Variants in MDGA2 observed in about 807,000 individuals in gnomAD.
MDGA2 encodes the protein MAM domain containing glycosylphosphatidylinositol anchor 2, also known as MAM domain-containing glycosylphosphatidylinositol anchor protein 2.
Under a neutral mutation model 117.8 loss-of-function variants are expected in MDGA2, and 40 were observed. That is an observed-to-expected ratio of 0.34 (90% CI 0.26 to 0.44). The LOEUF (loss-of-function observed/expected upper bound fraction) is 0.44, where lower values mean the gene tolerates loss of function less well. Ranked by LOEUF, MDGA2 falls within the 20% of genes least tolerant of loss-of-function variation. MDGA2 has a pLI of 1.00. For synonymous variants in MDGA2, 452 were observed against 439.0 expected (o/e 1.03, Z -0.37); for missense variants, 1,123 against 1,250.6 (o/e 0.90, Z 1.54).
At chr14:47,642,001 G>T (rs1422359258) in intron 1 of MDGA2, among the ~76,000 whole-genome samples, 2 of 152,038 alleles carry the variant, frequency 1.3e-5, no homozygotes, top group Non-Finnish European at 2.9e-5. Flanking sequence ...ATGGGAACTG[G>T]GTGTTACAGT....
At chr14:46,898,172 G>A (rs781289923) in intron 10 of MDGA2, among the ~76,000 whole-genome samples, 42 of 152,030 alleles carry the variant, frequency 2.8e-4, no homozygotes, top group Non-Finnish European at 4.0e-4. Flanking sequence ...TGTATAATCA[G>A]TAAGAAAAAT....
intron 1 of MDGA2, among the ~76,000 whole-genome samples, chr14:47,437,381 T>A (rs943050603): frequency 2.6e-5 from 4 of 152,132 alleles, no homozygotes; most frequent in Non-Finnish European, 4.4e-5. Context: ...ATATGGTAAA[T>A]CTCAGTAAAT....
chr14:47,054,486 C>A (rs1172883637), intron 7 of MDGA2, among the ~76,000 whole-genome samples: 1 of 136,570 alleles, frequency 7.3e-6, no homozygotes, highest in Non-Finnish European at 1.6e-5. Flanking sequence ...CCACAACAGT[C>A]CCCGGTGTGT....
At chr14:47,186,428 G>C (rs1353538402) in intron 3 of MDGA2, among the ~76,000 whole-genome samples, 2 of 151,720 alleles carry the variant, frequency 1.3e-5, no homozygotes, top group Non-Finnish European at 3.0e-5. Flanking sequence ...TAAACCTATA[G>C]TACTAAATTA....
chr14:47,662,940 G>C (rs1322956129), intron 1 of MDGA2, among the ~76,000 whole-genome samples: 4 of 152,154 alleles, frequency 2.6e-5, no homozygotes, highest in Admixed American at 1.3e-4. Flanking sequence ...GTTGAGCTTT[G>C]ATTAATTGGG....
chr14:47,532,531 G>A (rs942160263), intron 1 of MDGA2, among the ~76,000 whole-genome samples: 1 of 152,132 alleles, frequency 6.6e-6, no homozygotes. Context: ...TTTCAGTCCA[G>A]TAATTCCAGG....
chr14:47,231,661 T>G (rs1886694612), intron 2 of MDGA2, among the ~76,000 whole-genome samples: 1 of 151,302 alleles, frequency 6.6e-6, no homozygotes, highest in Non-Finnish European at 1.5e-5. Context: ...CACAAAGTTA[T>G]CCTATAATAA....
chr14:47,184,858 G>A (rs934967384), intron 3 of MDGA2, among the ~76,000 whole-genome samples: 4 of 151,320 alleles, frequency 2.6e-5, no homozygotes, highest in African/African-American at 9.7e-5. Context: ...AACATATAAG[G>A]TTGAATATGC....
At chr14:47,445,243 T>C (rs1449356104) in intron 1 of MDGA2, among the ~76,000 whole-genome samples, 1 of 152,114 alleles carries the variant, frequency 6.6e-6, no homozygotes, top group African/African-American at 2.4e-5. Flanking sequence ...TGAAGATCAA[T>C]GTTGACTATG....
chr14:47,232,774 T>C (rs905441352), intron 2 of MDGA2, among the ~76,000 whole-genome samples: 3 of 152,282 alleles, frequency 2.0e-5, no homozygotes, highest in South Asian at 4.1e-4. Flanking sequence ...TGTTGACAGA[T>C]ACTCTTAGCT....
chr14:47,255,836 G>C (rs1887598670), intron 2 of MDGA2, among the ~76,000 whole-genome samples: 1 of 151,960 alleles, frequency 6.6e-6, no homozygotes, highest in Non-Finnish European at 1.5e-5. Flanking sequence ...TGTTAGTCCT[G>C]CTTGTCTGGT....
intron 1 of MDGA2, among the ~76,000 whole-genome samples, chr14:47,397,808 C>G (rs1353918894): frequency 1.3e-5 from 2 of 151,906 alleles, no homozygotes; most frequent in Non-Finnish European, 2.9e-5. Context: ...AAGGAGGTAA[C>G]CTTAGGGGCT....
At chr14:46,916,802 A>C (rs1259431024) in intron 10 of MDGA2, among the ~76,000 whole-genome samples, 1 of 152,144 alleles carries the variant, frequency 6.6e-6, no homozygotes, top group Non-Finnish European at 1.5e-5. Flanking sequence ...CCATGGAAAG[A>C]GTAAAATTAC....
intron 1 of MDGA2, among the ~76,000 whole-genome samples, chr14:47,413,379 T>C (rs1329455307): frequency 6.6e-6 from 1 of 152,096 alleles, no homozygotes; most frequent in Non-Finnish European, 1.5e-5. Flanking sequence ...GGTGTTTGAG[T>C]TTCTAAAAAT....
At chr14:46,920,277 C>T (rs1884075998) in intron 9 of MDGA2, 117 bp from the exon 10 acceptor site, 1 of 988,486 alleles carries the variant, frequency 1.0e-6, no homozygotes, top group African/African-American at 1.7e-5. Flanking sequence ...TTATAAAATC[C>T]AATCAATTTT....
At chr14:47,089,619 ATACTTT>A (rs1429820045) in intron 6 of MDGA2, among the ~76,000 whole-genome samples, 1 of 151,888 alleles carries the variant, frequency 6.6e-6, no homozygotes, top group East Asian at 1.9e-4. Flanking sequence ...TTTTTTTATT[ATACTTT>A]AAGTTCTAAG....
At chr14:47,571,327 A>G (rs1429234150) in intron 1 of MDGA2, among the ~76,000 whole-genome samples, 1 of 152,206 alleles carries the variant, frequency 6.6e-6, no homozygotes, top group Admixed American at 6.5e-5. Context: ...TAGTTCAACC[A>G]TTGTGGAAGA....
At chr14:47,389,286 T>A (rs545985422) in intron 1 of MDGA2, among the ~76,000 whole-genome samples, 4 of 152,244 alleles carry the variant, frequency 2.6e-5, no homozygotes, top group Non-Finnish European at 5.9e-5. Flanking sequence ...AATATAGGTG[T>A]GAACACATAA....
intron 2 of MDGA2, among the ~76,000 whole-genome samples, chr14:47,220,245 T>C (rs1043588321): frequency 2.6e-5 from 4 of 152,154 alleles, no homozygotes; most frequent in African/African-American, 9.7e-5. Context: ...GAAACCTCCA[T>C]ACATACTCCG....
Sources: gnomAD v4.1 joint callset for allele counts (sites outside exome capture counted in the v4.1 genomes callset) on GRCh38, gnomAD v4.1.1 for gene constraint, MANE v1.5 for transcripts, NCBI Gene and HGNC (gene_info 2026-07-23, HGNC 2026-07-21) for gene names.